The following MTUS2 variants were observed in gnomAD, a reference collection of about 807,000 sequenced individuals.
MTUS2 encodes the protein microtubule associated scaffold protein 2, also known as microtubule-associated tumor suppressor candidate 2.
Under a neutral mutation model 114.1 loss-of-function variants are expected in MTUS2, and 40 were observed. The ratio of observed to expected loss-of-function variants is 0.35; its 90% CI spans 0.27 to 0.46. The LOEUF (loss-of-function observed/expected upper bound fraction) is 0.46, where lower values mean the gene tolerates loss of function less well. Ranked by LOEUF, MTUS2 falls within the 20% of genes least tolerant of loss-of-function variation. The probability of loss-of-function intolerance (pLI) is 1.00; values close to 1 mark genes in which losing one functional copy is unlikely to be tolerated. For missense variants in MTUS2, 1,679 were observed against 1,705.4 expected (o/e 0.98, Z 0.27); for synonymous variants, 688 against 672.0 (o/e 1.02, Z -0.37).
At chr13:29,162,723 C>T (rs1397125884) in intron 5 of MTUS2, among the ~76,000 whole-genome samples, 1 of 152,234 alleles carries the variant, frequency 6.6e-6, no homozygotes, top group South Asian at 2.1e-4. Context: ...CCACATGAGT[C>T]TAATTCAGAG....
At chr13:28,868,755 A>G (rs543120984) in intron 2 of MTUS2, among the ~76,000 whole-genome samples, 181 of 152,352 alleles carry the variant, frequency 1.2e-3, no homozygotes, top group African/African-American at 4.1e-3. Flanking sequence ...CAAGAGAACT[A>G]TAATTTTAGA....
rs559401202 is a variant in MTUS2, at chr13:29,028,458, G to A, written c.2205+1555G>A. ...TAGGATGGCTCTGCCTTTAGGATGG[G>A]ATGTGCTCACTGGGGGTCCGTCAGC... On this transcript the variant is annotated intron_variant, in intron 3 of 15. Coordinates refer to ENST00000612955, the MANE Select transcript of MTUS2 (RefSeq NM_001033602.4). 9.2e-5 allele frequency among the ~76,000 whole-genome samples: 14 copies of A among 152,146 alleles called. No individual in the cohort carries two copies. The South Asian group carries it at 2.9e-3, about 32-fold the overall frequency.
chr13:29,289,744 C>G (rs1898631267), intron 6 of MTUS2, among the ~76,000 whole-genome samples: 1 of 152,152 alleles, frequency 6.6e-6, no homozygotes. Flanking sequence ...GGATTACAGG[C>G]TTGAGCCACT....
intron 8 of MTUS2, among the ~76,000 whole-genome samples, chr13:29,422,759 G>T (rs1876219057): frequency 1.4e-5 from 2 of 146,166 alleles, no homozygotes; most frequent in Non-Finnish European, 3.0e-5. Context: ...TGCCTCCTGG[G>T]TTCAAGCAAT....
chr13:29,318,217 C>T (rs1290809076), intron 6 of MTUS2, among the ~76,000 whole-genome samples: 1 of 148,354 alleles, frequency 6.7e-6, no homozygotes, highest in Non-Finnish European at 1.5e-5. Flanking sequence ...AATTTGCAGC[C>T]TATTGTATGT....
chr13:28,836,994 T>C (rs1393722055), intron 1 of MTUS2, among the ~76,000 whole-genome samples: 1 of 152,174 alleles, frequency 6.6e-6, no homozygotes, highest in African/African-American at 2.4e-5. Context: ...TTCTGCAACA[T>C]TGGGTGATTG....
At chr13:29,030,662 T>C (rs1886774664) in intron 3 of MTUS2, among the ~76,000 whole-genome samples, 1 of 152,194 alleles carries the variant, frequency 6.6e-6, no homozygotes, top group African/African-American at 2.4e-5. Context: ...CAGTCTGGTC[T>C]CTAGGAAAAG....
intron 2 of MTUS2, among the ~76,000 whole-genome samples, chr13:28,956,002 C>T (rs1883043117): frequency 6.6e-6 from 1 of 151,222 alleles, no homozygotes; most frequent in African/African-American, 2.4e-5. Flanking sequence ...TTTTGGTGCA[C>T]CCGTTACCCC....
chr13:29,285,731 TG>T (rs1323555691), intron 6 of MTUS2, among the ~76,000 whole-genome samples: 9 of 152,120 alleles, frequency 5.9e-5, no homozygotes, highest in Admixed American at 5.9e-4. Flanking sequence ...CAAACATCTT[TG>T]GGGAAAATGA....
chr13:28,886,714 T>C (rs776261595), intron 2 of MTUS2, among the ~76,000 whole-genome samples: 10 of 152,118 alleles, frequency 6.6e-5, no homozygotes, highest in Middle Eastern at 3.2e-3. Context: ...AGGAATGTGC[T>C]CTCCAGAAAC....
chr13:29,385,737 G>A (rs368723799), intron 8 of MTUS2, among the ~76,000 whole-genome samples: 2 of 152,094 alleles, frequency 1.3e-5, no homozygotes, highest in Non-Finnish European at 2.9e-5. Context: ...AGAACCACCC[G>A]CACCCAGAAT....
intron 5 of MTUS2, among the ~76,000 whole-genome samples, chr13:29,115,076 T>C (rs1891033741): frequency 6.6e-6 from 1 of 152,212 alleles, no homozygotes; most frequent in Non-Finnish European, 1.5e-5. Context: ...ATGTACAGGA[T>C]AAATGAAATG....
chr13:28,882,565 G>C (rs1285448839), intron 2 of MTUS2, among the ~76,000 whole-genome samples: 1 of 152,004 alleles, frequency 6.6e-6, no homozygotes, highest in Non-Finnish European at 1.5e-5. Context: ...GTGAGACTCT[G>C]TCTCTACAAA....
chr13:29,377,422 A>C (rs1267373680), intron 8 of MTUS2, among the ~76,000 whole-genome samples: 1 of 152,192 alleles, frequency 6.6e-6, no homozygotes, highest in Non-Finnish European at 1.5e-5. Context: ...TGTACAAAAA[A>C]GATTTTGTCT....
chr13:29,013,199 A>G (rs1179613311), intron 2 of MTUS2, among the ~76,000 whole-genome samples: 10 of 152,172 alleles, frequency 6.6e-5, no homozygotes, highest in Admixed American at 6.5e-4. Context: ...GTCTTCTGTT[A>G]ATGAACACAA....
At chr13:28,898,214 G>A (rs1406155210) in intron 2 of MTUS2, among the ~76,000 whole-genome samples, 1 of 152,156 alleles carries the variant, frequency 6.6e-6, no homozygotes, top group African/African-American at 2.4e-5. Flanking sequence ...TGACAGAAGA[G>A]CTTTAAACCA....
intron 5 of MTUS2, among the ~76,000 whole-genome samples, chr13:29,144,777 A>G (rs1481081715): frequency 6.6e-6 from 1 of 152,206 alleles, no homozygotes; most frequent in Non-Finnish European, 1.5e-5. Context: ...GTGATAGCCC[A>G]TCATCTTTGC....
chr13:28,901,020 C>G (rs375122290), intron 2 of MTUS2, among the ~76,000 whole-genome samples: 1 of 152,212 alleles, frequency 6.6e-6, no homozygotes, highest in Non-Finnish European at 1.5e-5. Flanking sequence ...GAACCTGTTT[C>G]TCCACATCCT....
intron 2 of MTUS2, among the ~76,000 whole-genome samples, chr13:28,958,599 A>G (rs1014546988): frequency 2.0e-5 from 3 of 152,334 alleles, no homozygotes; most frequent in South Asian, 2.1e-4. Flanking sequence ...GTAGCAGATT[A>G]AAAGGTGTGG....
Sources: allele counts gnomAD v4.1 joint callset (sites outside exome capture counted in the v4.1 genomes callset), GRCh38; gene constraint gnomAD v4.1.1; transcripts MANE v1.5; gene names NCBI Gene and HGNC (gene_info 2026-07-23, HGNC 2026-07-21).